The following PCDH15 variants were observed in gnomAD, a reference collection of about 807,000 sequenced individuals.
PCDH15 encodes the protein protocadherin-15.
A neutral mutation model predicts 178.5 loss-of-function variants in PCDH15; 129 were observed. The observed-to-expected ratio is 0.72, with a 90% confidence interval of 0.63 to 0.84. The LOEUF (loss-of-function observed/expected upper bound fraction) is 0.84, where lower values mean the gene tolerates loss of function less well. PCDH15 is among the 40% of genes least tolerant of loss of function. The probability of loss-of-function intolerance (pLI) is 0.00; values close to 1 mark genes in which losing one functional copy is unlikely to be tolerated. For missense variants in PCDH15, 2,230 were observed against 2,099.9 expected (o/e 1.06, Z -1.21); for synonymous variants, 800 against 732.0 (o/e 1.09, Z -1.50).
intron 2 of PCDH15, among the ~76,000 whole-genome samples, chr10:55,463,600 A>G (rs1030644155): frequency 6.6e-6 from 1 of 152,090 alleles, no homozygotes; most frequent in African/African-American, 2.4e-5. Flanking sequence ...TGCAGGCTGC[A>G]GTGAGCCATG....
intron 3 of PCDH15, among the ~76,000 whole-genome samples, chr10:54,525,994 G>A (rs2083326136): frequency 6.6e-6 from 1 of 152,016 alleles, no homozygotes; most frequent in Non-Finnish European, 1.5e-5. Context: ...AATAACTCTG[G>A]CAGCTTTCTG....
chr10:54,347,253 GT>G (rs377382658), intron 5 of PCDH15, among the ~76,000 whole-genome samples: 1 of 151,912 alleles, frequency 6.6e-6, no homozygotes. Context: ...TCCCCTCCCA[GT>G]TTTTAGGTTT....
In PCDH15 at chr10:54,346,466, T is replaced by C; in HGVS notation, c.493A>G (p.Thr165Ala). 6.2e-7 allele frequency: 1 copy of C among 1,613,880 alleles called. No homozygotes were observed. The highest frequency in any genetic ancestry group is 8.5e-7 in the Non-Finnish European group (1 of 1,179,920). ...TVNELTPVGT[T>A]IFTGFSGDNG... ...TCTCCTGAAAATCCTGTGAATATTG[T>C]GGTACCAACTGGAGTGAGCTGAAAG... The change falls in exon 6 of 38, where the codon ACA becomes GCA. Residue 165 changes from threonine to alanine, a missense_variant. By Grantham distance (58) the Thr-to-Ala change is moderately conservative (BLOSUM62 0). Coordinates refer to ENST00000644397, the MANE Select transcript of PCDH15 (RefSeq NM_001384140.1).
intron 21 of PCDH15, among the ~76,000 whole-genome samples, chr10:53,985,638 C>T (rs2091043788): frequency 1.3e-5 from 2 of 151,846 alleles, no homozygotes; most frequent in Non-Finnish European, 2.9e-5. Context: ...ATAAACACAC[C>T]CCGAGAAAAG....
chr10:55,159,687 T>C (rs962856965), intron 2 of PCDH15, among the ~76,000 whole-genome samples: 2 of 147,798 alleles, frequency 1.4e-5, no homozygotes, highest in African/African-American at 4.9e-5. Flanking sequence ...TAAAGAGATA[T>C]ATTTCTTAAG....
chr10:55,227,575 C>G (rs939979197), intron 1 of PCDH15, among the ~76,000 whole-genome samples: 1 of 152,124 alleles, frequency 6.6e-6, no homozygotes, highest in Admixed American at 6.5e-5. Flanking sequence ...TATGTGTTAC[C>G]ATTTTGAGAA....
At chr10:55,404,605 A>T (rs1324716092) in intron 2 of PCDH15, among the ~76,000 whole-genome samples, 1 of 151,950 alleles carries the variant, frequency 6.6e-6, no homozygotes, top group African/African-American at 2.4e-5. Context: ...AATACACCTC[A>T]AAGAAGATAG....
chr10:53,939,797 G>GCTATA (rs2085896017), intron 24 of PCDH15, among the ~76,000 whole-genome samples: 2 of 151,978 alleles, frequency 1.3e-5, no homozygotes, highest in African/African-American at 4.8e-5. Flanking sequence ...GGGGACAGAC[G>GCTATA]TTAATAAATA....
chr10:55,381,804 C>G (rs1837539274), intron 2 of PCDH15, among the ~76,000 whole-genome samples: 1 of 152,050 alleles, frequency 6.6e-6, no homozygotes, highest in African/African-American at 2.4e-5. Flanking sequence ...AAACAAAAGC[C>G]TCTAAGTTGA....
intron 2 of PCDH15, among the ~76,000 whole-genome samples, chr10:54,579,577 C>T (rs1228510544): frequency 6.6e-6 from 1 of 151,898 alleles, no homozygotes; most frequent in Non-Finnish European, 1.5e-5. Flanking sequence ...GAGAGATCAT[C>T]AATGCAAAAT....
intron 2 of PCDH15, among the ~76,000 whole-genome samples, chr10:55,586,283 T>C (rs967230339): frequency 6.6e-6 from 1 of 151,910 alleles, no homozygotes; most frequent in Non-Finnish European, 1.5e-5. Context: ...ATAATTCAAA[T>C]ATTATTTCAA....
intron 1 of PCDH15, among the ~76,000 whole-genome samples, chr10:54,729,045 A>G (rs748913875): frequency 2.6e-5 from 4 of 151,494 alleles, no homozygotes; most frequent in Non-Finnish European, 4.4e-5. Flanking sequence ...TACCAATGTC[A>G]TTTTTCACAT....
At chr10:54,529,474 CA>C (rs2083694257) in intron 2 of PCDH15, among the ~76,000 whole-genome samples, 1 of 151,938 alleles carries the variant, frequency 6.6e-6, no homozygotes, top group Non-Finnish European at 1.5e-5. Flanking sequence ...TTCCTCTGAA[CA>C]AAAACCTTAC....
At chr10:54,328,655 A>C (rs1938719241) in intron 7 of PCDH15, among the ~76,000 whole-genome samples, 1 of 152,008 alleles carries the variant, frequency 6.6e-6, no homozygotes, top group African/African-American at 2.4e-5. Flanking sequence ...AGAATCAATA[A>C]ACGTAAAAGA....
chr10:54,547,511 T>C (rs2085997322), intron 2 of PCDH15, among the ~76,000 whole-genome samples: 2 of 152,110 alleles, frequency 1.3e-5, no homozygotes, highest in Non-Finnish European at 2.9e-5. Flanking sequence ...CTTTTGCAAG[T>C]TTTAGGGCTG....
chr10:54,773,305 TA>T (rs1274305997), intron 1 of PCDH15, among the ~76,000 whole-genome samples: 1 of 152,200 alleles, frequency 6.6e-6, no homozygotes, highest in African/African-American at 2.4e-5. Context: ...AAATGAGTCA[TA>T]AAATACAAAT....
At chr10:54,596,049 A>C (rs1156533672) in intron 2 of PCDH15, among the ~76,000 whole-genome samples, 1 of 152,182 alleles carries the variant, frequency 6.6e-6, no homozygotes, top group African/African-American at 2.4e-5. Context: ...ATAAGTCAGG[A>C]TATCATCCAT....
chr10:54,099,730 G>T (rs2094774760), intron 15 of PCDH15, among the ~76,000 whole-genome samples: 1 of 151,672 alleles, frequency 6.6e-6, no homozygotes, highest in South Asian at 2.1e-4. Context: ...TATATGTACT[G>T]CTAGAAATGA....
chr10:54,517,900 A>G (rs776798106), intron 3 of PCDH15, among the ~76,000 whole-genome samples: 1 of 152,228 alleles, frequency 6.6e-6, no homozygotes, highest in African/African-American at 2.4e-5. Flanking sequence ...ACTCAAGATT[A>G]AGAAACTCAC....
Sources: allele counts gnomAD v4.1 joint callset (sites outside exome capture counted in the v4.1 genomes callset), GRCh38; gene constraint gnomAD v4.1.1; transcripts MANE v1.5; gene names NCBI Gene and HGNC (gene_info 2026-07-23, HGNC 2026-07-21).